MAGI1: variants seen among roughly 807,000 people sequenced by gnomAD.
MAGI1 encodes membrane associated guanylate kinase, WW and PDZ domain containing 1, also known as membrane-associated guanylate kinase, WW and PDZ domain-containing protein 1.
A neutral mutation model predicts 139.9 loss-of-function variants in MAGI1; 58 were observed. The observed-to-expected ratio is 0.41, with a 90% CI of 0.34 to 0.52. MAGI1 has a LOEUF of 0.52. Ranked by LOEUF, MAGI1 falls within the 20% of genes least tolerant of loss-of-function variation. The pLI, the probability that MAGI1 is intolerant of heterozygous loss-of-function variation, is 0.12. For synonymous variants in MAGI1, 812 were observed against 737.9 expected (o/e 1.10, Z -1.63); for missense variants, 1,874 against 1,901.6 (o/e 0.99, Z 0.27).
Position 65,876,238 on chromosome 3 carries a change from C to T in MAGI1, c.313+161758G>A, listed in dbSNP as rs575665504. Among the ~76,000 whole-genome samples, 3 of 152,134 alleles carry T rather than the reference C, an allele frequency of 2.0e-5. No homozygotes were observed. The East Asian group carries it at 5.8e-4, about 29-fold the overall frequency. On this transcript the variant is annotated intron_variant, in intron 1 of 22. Coordinates refer to ENST00000402939, the MANE Select transcript of MAGI1 (RefSeq NM_001033057.2). Reference sequence around the variant, plus strand: ...TCAGGAGGCTGATGCAAGAGGATCACTTGGGCCCAGGAGTTCAATGCTACA... The same window carrying T: ...TCAGGAGGCTGATGCAAGAGGATCATTTGGGCCCAGGAGTTCAATGCTACA...
At chr3:65,523,606 A>G (rs1331694232) in intron 2 of MAGI1, among the ~76,000 whole-genome samples, 1 of 152,186 alleles carries the variant, frequency 6.6e-6, no homozygotes, top group African/African-American at 2.4e-5. Flanking sequence ...ATGGAGTGTT[A>G]GATATTGCAC....
chr3:65,758,411 G>A (rs929023791), intron 1 of MAGI1, among the ~76,000 whole-genome samples: 6 of 152,080 alleles, frequency 3.9e-5, no homozygotes, highest in South Asian at 4.1e-4. Context: ...TTAATCACTT[G>A]GAGCTCATTT....
intron 2 of MAGI1, among the ~76,000 whole-genome samples, chr3:65,520,328 T>C (rs776197268): frequency 6.6e-6 from 1 of 152,220 alleles, no homozygotes; most frequent in Non-Finnish European, 1.5e-5. Flanking sequence ...AATGCACTTA[T>C]GTGGAAGATC....
At chr3:65,879,663 A>G (rs558166753) in intron 1 of MAGI1, among the ~76,000 whole-genome samples, 1 of 152,218 alleles carries the variant, frequency 6.6e-6, no homozygotes, top group South Asian at 2.1e-4. Context: ...AACTCAATTT[A>G]GAGTTATAAG....
At chr3:65,599,080 AG>A (rs1215905185) in intron 2 of MAGI1, among the ~76,000 whole-genome samples, 2 of 152,160 alleles carry the variant, frequency 1.3e-5, no homozygotes, top group Non-Finnish European at 2.9e-5. Flanking sequence ...CTTGGACAGG[AG>A]GAGATAAAGG....
At chr3:65,784,430 T>G (rs535620404) in intron 1 of MAGI1, among the ~76,000 whole-genome samples, 14 of 151,874 alleles carry the variant, frequency 9.2e-5, no homozygotes, top group East Asian at 3.9e-4. Context: ...AAAAAACATG[T>G]GGTAGGGCCA....
chr3:65,400,040 C>T (rs1180928832), intron 13 of MAGI1, among the ~76,000 whole-genome samples: 1 of 152,142 alleles, frequency 6.6e-6, no homozygotes, highest in African/African-American at 2.4e-5. Flanking sequence ...TTCGTGCTAA[C>T]TCAAGCTTAT....
At chr3:65,930,172 C>T (rs1037058954) in intron 1 of MAGI1, among the ~76,000 whole-genome samples, 1 of 151,674 alleles carries the variant, frequency 6.6e-6, no homozygotes, top group Non-Finnish European at 1.5e-5. Context: ...AAAAATTAGT[C>T]GGGCGCAGTG....
chr3:65,488,225 C>A (rs572023394), intron 3 of MAGI1, among the ~76,000 whole-genome samples: 3 of 152,346 alleles, frequency 2.0e-5, no homozygotes, highest in East Asian at 3.9e-4. Flanking sequence ...TGACCTAACA[C>A]AGTCCTCTCA....
At chr3:65,566,618 T>TTTTG (rs141896683) in intron 2 of MAGI1, among the ~76,000 whole-genome samples, 6,972 of 152,086 alleles carry the variant, frequency 0.046, 470 homozygotes, top group African/African-American at 0.15. Context: ...GTTACTGGGT[T>TTTTG]TTTGTTTGTT....
At chr3:65,697,281 A>C (rs2089290161) in intron 1 of MAGI1, among the ~76,000 whole-genome samples, 3 of 151,590 alleles carry the variant, frequency 2.0e-5, no homozygotes, top group South Asian at 2.1e-4. Context: ...TCACAGCTGA[A>C]TTCTATCAGA....
chr3:65,367,254 A>G (rs958761550), intron 18 of MAGI1, among the ~76,000 whole-genome samples: 10 of 152,160 alleles, frequency 6.6e-5, no homozygotes, highest in African/African-American at 2.4e-4. Context: ...TGTTGTTGGT[A>G]GCCAGAGTTT....
At chr3:65,870,750 G>A in intron 1 of MAGI1, among the ~76,000 whole-genome samples, 1 of 151,204 alleles carries the variant, frequency 6.6e-6, no homozygotes, top group South Asian at 2.1e-4. Context: ...AAAAGGAAAT[G>A]AAGAAAGACT....
chr3:66,027,528 T>A (rs926965941), intron 1 of MAGI1, among the ~76,000 whole-genome samples: 3 of 152,120 alleles, frequency 2.0e-5, no homozygotes, highest in African/African-American at 7.2e-5. Flanking sequence ...ATCAGATAGA[T>A]CTGAGTTTGA....
intron 1 of MAGI1, among the ~76,000 whole-genome samples, chr3:65,732,056 T>C (rs1207702256): frequency 7.9e-5 from 12 of 152,214 alleles, no homozygotes; most frequent in African/African-American, 2.9e-4. Flanking sequence ...AGCTTCTTGG[T>C]AGAAAACATT....
chr3:65,488,738 T>C (rs1951790218), intron 3 of MAGI1, among the ~76,000 whole-genome samples: 1 of 151,808 alleles, frequency 6.6e-6, no homozygotes, highest in Non-Finnish European at 1.5e-5. Flanking sequence ...TGGTGTGATC[T>C]TGGCTCACTG....
intron 1 of MAGI1, among the ~76,000 whole-genome samples, chr3:65,711,381 A>T (rs1453167592): frequency 6.6e-6 from 1 of 152,236 alleles, no homozygotes; most frequent in East Asian, 1.9e-4. Flanking sequence ...TTTTATTCAA[A>T]TGTAAAAAGG....
chr3:65,700,712 G>A (rs1208363136), intron 1 of MAGI1, among the ~76,000 whole-genome samples: 1 of 152,126 alleles, frequency 6.6e-6, no homozygotes, highest in Non-Finnish European at 1.5e-5. Context: ...ATTAAAAAAT[G>A]ACTGTAACAC....
rs111311714 is a variant in MAGI1 at position 65,941,300 on chromosome 3, T to C, written c.313+96696A>G. ...AGGTGGAGGTTGCAGTGAGCCGAGA[T>C]TGAGCCACTGCACTCCAGCCTAGGT... On this transcript the variant is annotated intron_variant, in intron 1 of 22. Coordinates refer to ENST00000402939, the MANE Select transcript of MAGI1 (RefSeq NM_001033057.2). Among the ~76,000 whole-genome samples the C allele has an allele frequency of 3.6e-3, 546 of 151,952 alleles. 2 individuals are homozygous for C. The highest frequency in any genetic ancestry group is 0.013 in the African/African-American group (519 of 41,400).
Sources: allele counts gnomAD v4.1 joint callset (sites outside exome capture counted in the v4.1 genomes callset), GRCh38; gene constraint gnomAD v4.1.1; transcripts MANE v1.5; gene names NCBI Gene and HGNC (gene_info 2026-07-23, HGNC 2026-07-21).